The following CNTNAP2 variants were observed in gnomAD, a reference collection of about 807,000 sequenced individuals.
CNTNAP2 encodes contactin associated protein 2.
Under a neutral mutation model 155.2 loss-of-function variants are expected in CNTNAP2, and 98 were observed. That is an observed-to-expected ratio of 0.63 (90% CI 0.54 to 0.75). The LOEUF is 0.75. CNTNAP2 is among the 30% of genes least tolerant of loss of function. The pLI is 0.00. For synonymous variants in CNTNAP2, 651 were observed against 631.2 expected (o/e 1.03, Z -0.47); for missense variants, 1,727 against 1,688.1 (o/e 1.02, Z -0.40).
At position 146,493,294 on chromosome 7, in the gene CNTNAP2, G is replaced by A. The variant is rs534399428; in HGVS notation, c.98-280977G>A. On this transcript the variant is annotated intron_variant, in intron 1 of 23. Transcript: ENST00000361727. ...GTCCCATTTTTGCTCTTCCTGAATA[G>A]CATGGCTTCAAAAAAATCTAGAAAA... Among the ~76,000 whole-genome samples, 7 of 152,222 alleles carry A rather than the reference G, an allele frequency of 4.6e-5. No homozygotes were observed. The South Asian group carries it at 1.5e-3, about 32-fold the overall frequency.
intron 10 of CNTNAP2, among the ~76,000 whole-genome samples, chr7:147,479,681 TATCTC>T (rs907546935): frequency 6.6e-6 from 1 of 152,092 alleles, no homozygotes; most frequent in African/African-American, 2.4e-5. Flanking sequence ...TTAAGTTGCT[TATCTC>T]ATCATAGCAA....
chr7:148,174,789 A>C (rs1232670070), intron 18 of CNTNAP2, among the ~76,000 whole-genome samples: 1 of 152,184 alleles, frequency 6.6e-6, no homozygotes, highest in African/African-American at 2.4e-5. Flanking sequence ...TGTGCAGAAC[A>C]TGCAGGTTTG....
intron 1 of CNTNAP2, among the ~76,000 whole-genome samples, chr7:146,677,998 A>G (rs974746870): frequency 2.0e-5 from 3 of 152,092 alleles, no homozygotes; most frequent in Non-Finnish European, 2.9e-5. Context: ...ACTTTTCTCA[A>G]CATTTAGATA....
At chr7:146,291,390 G>A (rs1018260975) in intron 1 of CNTNAP2, among the ~76,000 whole-genome samples, 3 of 152,134 alleles carry the variant, frequency 2.0e-5, no homozygotes, top group Non-Finnish European at 4.4e-5. Flanking sequence ...CATGGTGCAT[G>A]ACTATATGAA....
intron 13 of CNTNAP2, among the ~76,000 whole-genome samples, chr7:147,812,461 T>A (rs1563098043): frequency 6.6e-6 from 1 of 151,654 alleles, no homozygotes; most frequent in Non-Finnish European, 1.5e-5. Context: ...CAGTACAGAG[T>A]TCTTATATAA....
At chr7:146,681,779 G>A (rs1199819845) in intron 1 of CNTNAP2, among the ~76,000 whole-genome samples, 1 of 152,054 alleles carries the variant, frequency 6.6e-6, no homozygotes, top group Non-Finnish European at 1.5e-5. Flanking sequence ...TAAAATAAAG[G>A]TTTGAAAGAT....
chr7:147,240,935 T>C (rs749363843), intron 8 of CNTNAP2, among the ~76,000 whole-genome samples: 15 of 152,182 alleles, frequency 9.9e-5, no homozygotes, highest in Non-Finnish European at 2.1e-4. Context: ...GGGGGTGAGG[T>C]GGGACACTTT....
chr7:148,130,221 CTG>C (rs755811340), intron 16 of CNTNAP2, among the ~76,000 whole-genome samples: 7 of 152,196 alleles, frequency 4.6e-5, no homozygotes, highest in Non-Finnish European at 8.8e-5. Context: ...AGGGGATAGA[CTG>C]TTTTATCTTG....
rs116902286 is a variant in CNTNAP2 at position 147,708,231 on chromosome 7, G to T, written c.2098+68925G>T. ...TTGACCCTGGGAACAGCAGTCACTTGCAGTGACAGCAGCTGTGGGCAGGAG... is the reference window on the plus strand; with the variant it reads ...TTGACCCTGGGAACAGCAGTCACTTTCAGTGACAGCAGCTGTGGGCAGGAG... On this transcript the variant is annotated intron_variant, in intron 13 of 23. Transcript: ENST00000361727. Among the ~76,000 whole-genome samples the T allele has an allele frequency of 1.5e-3, 229 of 152,282 alleles. 3 individuals are homozygous for T. The East Asian group carries it at 0.031, about 21-fold the overall frequency.
intron 1 of CNTNAP2, among the ~76,000 whole-genome samples, chr7:146,533,107 C>CAAAAAAAAAAAAAAAAAA (rs553035616): frequency 2.1e-5 from 1 of 47,836 alleles, no homozygotes; most frequent in African/African-American, 6.8e-5. Flanking sequence ...GACCCTGTCT[C>CAAAAAAAAAAAAAAAAAA]AAAAAAAAAA....
chr7:146,952,061 C>T (rs550130176), intron 3 of CNTNAP2, among the ~76,000 whole-genome samples: 1 of 152,186 alleles, frequency 6.6e-6, no homozygotes, highest in Admixed American at 6.5e-5. Flanking sequence ...TACAGCAGCA[C>T]ATTAAAAACT....
chr7:147,354,519 T>A (rs1197510546), intron 9 of CNTNAP2, among the ~76,000 whole-genome samples: 3 of 152,184 alleles, frequency 2.0e-5, no homozygotes, highest in African/African-American at 7.2e-5. Flanking sequence ...ACCAGTACCA[T>A]GCTGTTTTGA....
chr7:146,831,955 C>T (rs1037125351), intron 2 of CNTNAP2, among the ~76,000 whole-genome samples: 2 of 152,030 alleles, frequency 1.3e-5, no homozygotes, highest in African/African-American at 2.4e-5. Flanking sequence ...ATTAATTTAT[C>T]GATATTTTAG....
intron 12 of CNTNAP2, among the ~76,000 whole-genome samples, chr7:147,616,867 T>C (rs75928527): frequency 0.014 from 2,167 of 152,328 alleles, 49 homozygotes; most frequent in African/African-American, 0.049. Flanking sequence ...CAACTAGATA[T>C]ATCTTTTCAA....
At chr7:146,139,288 A>G (rs994183849) in intron 1 of CNTNAP2, among the ~76,000 whole-genome samples, 4 of 152,172 alleles carry the variant, frequency 2.6e-5, no homozygotes, top group African/African-American at 7.2e-5. Context: ...TCAAAATATC[A>G]TAAGTTGAAC....
At chr7:146,896,547 A>G (rs550945505) in intron 3 of CNTNAP2, among the ~76,000 whole-genome samples, 152 of 152,236 alleles carry the variant, frequency 1.0e-3, no homozygotes, top group African/African-American at 3.6e-3. Flanking sequence ...ATGTCTTTAT[A>G]AATAGAATCA....
chr7:147,948,646 T>TAC lies in CNTNAP2; in HGVS notation c.2256-29204_2256-29203dup, dbSNP rs997059445. On this transcript the variant is annotated intron_variant, in intron 14 of 23. Transcript: ENST00000361727. The stretch of plus-strand genomic sequence containing the variant: ...ATATATTTACACACACACACACATA[T>TAC]ACACACACACACATATATATATGTG... Among the ~76,000 whole-genome samples the TAC allele has an allele frequency of 1.3e-3, 189 of 148,686 alleles. 1 individual carries two copies. The highest frequency in any genetic ancestry group is 4.3e-3 in the African/African-American group (172 of 40,172).
At chr7:147,726,563 G>A (rs1796648144) in intron 13 of CNTNAP2, among the ~76,000 whole-genome samples, 1 of 152,004 alleles carries the variant, frequency 6.6e-6, no homozygotes, top group Non-Finnish European at 1.5e-5. Flanking sequence ...ACCAATAACT[G>A]CAGACATCTG....
At chr7:146,315,710 C>T (rs1036403655) in intron 1 of CNTNAP2, among the ~76,000 whole-genome samples, 2 of 152,172 alleles carry the variant, frequency 1.3e-5, no homozygotes, top group East Asian at 3.8e-4. Context: ...AGTGATACTA[C>T]AATTCATGAA....
Sources: gnomAD v4.1 joint callset for allele counts (sites outside exome capture counted in the v4.1 genomes callset) on GRCh38, gnomAD v4.1.1 for gene constraint, MANE v1.5 for transcripts, NCBI Gene and HGNC (gene_info 2026-07-23, HGNC 2026-07-21) for gene names.